Variants in EMCN observed in about 807,000 individuals in gnomAD.
EMCN encodes endomucin, also known as MUC-14.
Under a neutral mutation model 38.4 loss-of-function variants are expected in EMCN, and 37 were observed. That is an observed-to-expected ratio of 0.96 (90% CI 0.74 to 1.27). The LOEUF (loss-of-function observed/expected upper bound fraction) is 1.27. Ranked by LOEUF, EMCN falls within the 50% of genes most tolerant of loss-of-function variation. The pLI is 0.00. For synonymous variants in EMCN, 95 were observed against 100.8 expected, an observed-to-expected ratio of 0.94 and a Z score of 0.35; for missense variants, 318 against 302.8, an observed-to-expected ratio of 1.05 and a Z score of -0.37.
chr4:100,423,312 C>G lies in EMCN; in HGVS notation c.508G>C (p.Val170Leu). 1 of 1,608,350 alleles carries G rather than the reference C, an allele frequency of 6.2e-7. No individual in the cohort carries two copies. The highest frequency in any genetic ancestry group is 1.7e-4 in the Middle Eastern group (1 of 6,048). Residue 170 changes from valine to leucine, a missense_variant and splice_region_variant, in exon 6 of 12, where the codon GTA (valine) becomes CTA (leucine). By Grantham distance (32) the Val-to-Leu change is conservative. Transcript: ENST00000296420. Reference protein sequence around the residue: ...TIPENTSQSQVIGTEGGKNAS... With the variant: ...TIPENTSQSQLIGTEGGKNAS... ...CCACTCAGGCACACAGATATCATACCTTGAGACTGTGAGGTGTTTTCTGGA... is the reference window on the plus strand; with the variant it reads ...CCACTCAGGCACACAGATATCATACGTTGAGACTGTGAGGTGTTTTCTGGA...
intron 1 of EMCN, chr4:100,487,040 A>C: frequency 1.0e-5 from 10 of 984,354 alleles, no homozygotes; most frequent in Non-Finnish European, 1.2e-5. Flanking sequence ...TGAGGTAAAA[A>C]AGGCAAAGGT....
chr4:100,410,248 T>C, intron 11 of EMCN, 34 bp downstream of exon 11: 1 of 1,373,944 alleles, frequency 7.3e-7, no homozygotes, highest in Non-Finnish European at 1.0e-6. Flanking sequence ...CAGATATTAA[T>C]GATTGTCTCC....
intron 1 of EMCN, among the ~76,000 whole-genome samples, chr4:100,503,808 C>G (rs1185838935): frequency 6.6e-6 from 1 of 152,030 alleles, no homozygotes; most frequent in Non-Finnish European, 1.5e-5. Context: ...TTTTATTTTC[C>G]TAATTATAAT....
intron 1 of EMCN, among the ~76,000 whole-genome samples, chr4:100,480,568 G>GTA (rs973895441): frequency 6.9e-5 from 10 of 145,214 alleles, no homozygotes; most frequent in South Asian, 2.3e-4. Context: ...ACATATATGT[G>GTA]TATATATATA....
chr4:100,511,120 T>C (rs1021723297), intron 1 of EMCN, among the ~76,000 whole-genome samples: 4 of 152,218 alleles, frequency 2.6e-5, no homozygotes, highest in African/African-American at 9.7e-5. Flanking sequence ...TCTTTATCCT[T>C]ATTCTTTTTC....
chr4:100,400,361 T>G (rs948459749), intron 11 of EMCN, among the ~76,000 whole-genome samples: 7 of 151,804 alleles, frequency 4.6e-5, no homozygotes, highest in African/African-American at 1.2e-4. Context: ...ACATTTTTTT[T>G]TTTTGTTTTT....
intron 1 of EMCN, among the ~76,000 whole-genome samples, chr4:100,513,415 T>A (rs868513730): frequency 3.3e-5 from 5 of 152,204 alleles, no homozygotes; most frequent in African/African-American, 9.6e-5. Flanking sequence ...TGATTTTTTT[T>A]AACTTTCCTC....
chr4:100,473,365 G>GTTTTCTTTTTTTTTTTTTT (rs1728533952), intron 3 of EMCN, among the ~76,000 whole-genome samples: 1 of 29,840 alleles, frequency 3.4e-5, no homozygotes, highest in East Asian at 9.7e-4. Context: ...CCCGTTTCGT[G>GTTTTCTTTTTTTTTTTTTT]TTTTTTTGTT....
chr4:100,412,784 G>A lies in EMCN; in HGVS notation c.752-2429C>T, dbSNP rs184195204. On this transcript the variant is annotated intron_variant, in intron 10 of 11. Coordinates refer to ENST00000296420, the MANE Select transcript of EMCN (RefSeq NM_016242.4). Reference sequence around the variant, plus strand: ...GAATTCCAAATTTAAACATGCATGAGTTACAGTTTCAGCAGAAGACCTTAT... The same window carrying A: ...GAATTCCAAATTTAAACATGCATGAATTACAGTTTCAGCAGAAGACCTTAT... Among the ~76,000 whole-genome samples the A allele has an allele frequency of 1.1e-3, 171 of 152,210 alleles. 1 individual carries two copies. The highest frequency in any genetic ancestry group is 2.2e-3 in the Admixed American group (33 of 15,288).
chr4:100,458,163 G>A (rs1728072329), intron 4 of EMCN, among the ~76,000 whole-genome samples: 1 of 152,122 alleles, frequency 6.6e-6, no homozygotes, highest in African/African-American at 2.4e-5. Context: ...AGAGTTTGAG[G>A]AGGATTGGTG....
intron 5 of EMCN, among the ~76,000 whole-genome samples, chr4:100,440,441 C>T (rs1727479096): frequency 6.6e-6 from 1 of 152,020 alleles, no homozygotes; most frequent in Non-Finnish European, 1.5e-5. Context: ...TTCTGTATGC[C>T]TTTGCATACT....
At chr4:100,421,075 AT>A (rs1445137850) in intron 8 of EMCN, among the ~76,000 whole-genome samples, 3 of 152,066 alleles carry the variant, frequency 2.0e-5, no homozygotes, top group Admixed American at 6.6e-5. Flanking sequence ...ATATTTGATA[AT>A]ATCTACTCAT....
intron 1 of EMCN, among the ~76,000 whole-genome samples, chr4:100,515,509 G>A (rs1354076): frequency 0.4 from 60,511 of 151,848 alleles, 12,757 homozygotes; most frequent in East Asian, 0.74. Flanking sequence ...ATGAAAGACT[G>A]TATTGTAGTT....
intron 1 of EMCN, among the ~76,000 whole-genome samples, chr4:100,515,882 A>C (rs1729743407): frequency 6.6e-6 from 1 of 152,144 alleles, no homozygotes; most frequent in African/African-American, 2.4e-5. Context: ...AGAACCAGGT[A>C]CAACAAAATC....
chr4:100,429,401 G>A (rs968357157), intron 5 of EMCN, among the ~76,000 whole-genome samples: 33 of 152,104 alleles, frequency 2.2e-4, no homozygotes, highest in African/African-American at 7.5e-4. Flanking sequence ...TGGCTAGTAC[G>A]TATTTTCACA....
chr4:100,430,828 A>G (rs1727176040), intron 5 of EMCN, among the ~76,000 whole-genome samples: 1 of 152,148 alleles, frequency 6.6e-6, no homozygotes, highest in Admixed American at 6.6e-5. Flanking sequence ...TTATTCCATA[A>G]TTGAATTCTT....
intron 1 of EMCN, among the ~76,000 whole-genome samples, chr4:100,506,262 G>T (rs1729476752): frequency 6.6e-6 from 1 of 152,164 alleles, no homozygotes; most frequent in South Asian, 2.1e-4. Flanking sequence ...GATTGAGCTG[G>T]CAAGCCTAGT....
Position 100,395,384 on chromosome 4 carries a change from GA to G in EMCN, c.*3028del, listed in dbSNP as rs1180220088. 1 of 152,130 alleles carries G rather than the reference GA, an allele frequency of 6.6e-6. No homozygotes were observed. The highest frequency in any genetic ancestry group is 1.5e-5 in the Non-Finnish European group (1 of 68,024). The allele number at this position is 152,130 out of a possible 1,614,324, so 9.4% of individuals were successfully genotyped here. A position where few individuals can be genotyped will look rare whatever the true frequency, so the allele number is the denominator to read the frequency against. On this transcript the variant is annotated 3_prime_UTR_variant, in exon 12 of 12. Transcript: ENST00000296420. ...AGAGTACACCCATTTATTGGAAAATGAGAAGTCCTGTGTGTGCAGAGAAATT... is the reference window on the plus strand; with the variant it reads ...AGAGTACACCCATTTATTGGAAAATGGAAGTCCTGTGTGTGCAGAGAAATT...
chr4:100,475,832 C>T (rs1184853502), intron 2 of EMCN, among the ~76,000 whole-genome samples: 1 of 151,700 alleles, frequency 6.6e-6, no homozygotes, highest in Non-Finnish European at 1.5e-5. Flanking sequence ...CGCCCGCCAC[C>T]ACGCCCGGCT....
Sources: gnomAD v4.1 joint callset for allele counts (sites outside exome capture counted in the v4.1 genomes callset) on GRCh38, gnomAD v4.1.1 for gene constraint, MANE v1.5 for transcripts, NCBI Gene and HGNC (gene_info 2026-07-23, HGNC 2026-07-21) for gene names.